The following GABRG3 variants were observed in gnomAD, a reference collection of about 807,000 sequenced individuals.
The protein encoded by GABRG3 is gamma-aminobutyric acid receptor subunit gamma-3.
GABRG3 carries 25 observed loss-of-function variants against 48.8 expected under a neutral mutation model. That is an observed-to-expected ratio of 0.51 (90% confidence interval 0.37 to 0.72). GABRG3 has a LOEUF of 0.72. Among genes scored for constraint, GABRG3 ranks in the 30% least tolerant of loss-of-function variants. GABRG3 has a pLI of 0.00. For missense variants in GABRG3, 394 were observed against 577.9 expected (o/e 0.68, Z 3.26); for synonymous variants, 227 against 217.6 (o/e 1.04, Z -0.38).
chr15:27,465,903 A>G (rs1889594499), intron 5 of GABRG3, among the ~76,000 whole-genome samples: 3 of 152,228 alleles, frequency 2.0e-5, no homozygotes, highest in African/African-American at 7.2e-5. Context: ...TCATTTTAAA[A>G]TGCTGGACAT....
intron 3 of GABRG3, among the ~76,000 whole-genome samples, chr15:27,279,953 C>G (rs547944443): frequency 1.3e-5 from 2 of 152,062 alleles, no homozygotes; most frequent in South Asian, 4.2e-4. Flanking sequence ...GCATATAGAT[C>G]CTATATAGAT....
intron 3 of GABRG3, among the ~76,000 whole-genome samples, chr15:27,173,687 G>A (rs1162730308): frequency 1.4e-5 from 2 of 142,212 alleles, no homozygotes; most frequent in Non-Finnish European, 3.0e-5. Flanking sequence ...GGGCAACAGA[G>A]CAAGATACTA....
At chr15:27,303,227 TAAA>T (rs879858277) in intron 3 of GABRG3, among the ~76,000 whole-genome samples, 1 of 141,870 alleles carries the variant, frequency 7.0e-6, no homozygotes, top group Non-Finnish European at 1.6e-5. Flanking sequence ...CTGACAAAGT[TAAA>T]AAAAAAAAAG....
chr15:27,308,994 A>G (rs1252580713), intron 3 of GABRG3, among the ~76,000 whole-genome samples: 1 of 150,766 alleles, frequency 6.6e-6, no homozygotes, highest in Non-Finnish European at 1.5e-5. Flanking sequence ...ATATGAAAAC[A>G]CATATAATGT....
intron 3 of GABRG3, among the ~76,000 whole-genome samples, chr15:27,203,805 T>C (rs1043071373): frequency 6.6e-6 from 1 of 152,184 alleles, no homozygotes; most frequent in Admixed American, 6.5e-5. Flanking sequence ...ATTGAGCATT[T>C]TTCTATATGC....
intron 3 of GABRG3, among the ~76,000 whole-genome samples, chr15:27,039,941 C>T (rs1023246403): frequency 1.3e-5 from 2 of 152,148 alleles, no homozygotes; most frequent in Admixed American, 1.3e-4. Flanking sequence ...TTTCATCTTC[C>T]CAGGAAGTTC....
At chr15:27,012,345 ATTAAC>A (rs1895704940) in intron 2 of GABRG3, among the ~76,000 whole-genome samples, 1 of 152,072 alleles carries the variant, frequency 6.6e-6, no homozygotes, top group African/African-American at 2.4e-5. Context: ...TTGTTTCTTT[ATTAAC>A]TTTTCAGCAA....
intron 5 of GABRG3, among the ~76,000 whole-genome samples, chr15:27,342,869 G>A (rs1043231038): frequency 1.4e-4 from 21 of 152,182 alleles, no homozygotes; most frequent in African/African-American, 5.1e-4. Context: ...CTCCTAGTCT[G>A]GACTCTTGAG....
intron 3 of GABRG3, among the ~76,000 whole-genome samples, chr15:27,197,430 A>G (rs1336939267): frequency 6.6e-6 from 1 of 151,716 alleles, no homozygotes; most frequent in Non-Finnish European, 1.5e-5. Flanking sequence ...GGCACTCTCC[A>G]TAGCAACTTA....
intron 5 of GABRG3, among the ~76,000 whole-genome samples, chr15:27,374,138 CTTTTTTTTTTTTT>C (rs201839822): frequency 1.1e-5 from 1 of 91,670 alleles, no homozygotes; most frequent in East Asian, 3.3e-4. Flanking sequence ...TTCTTTTCTT[CTTTTTTTTTTTTT>C]TTTTTTTTTT....
intron 3 of GABRG3, among the ~76,000 whole-genome samples, chr15:27,039,735 C>T (rs994303967): frequency 3.3e-5 from 5 of 152,220 alleles, no homozygotes; most frequent in African/African-American, 1.2e-4. Flanking sequence ...TTTTATGAGG[C>T]AGAACTGTAT....
chr15:27,527,451 C>G lies in GABRG3; in HGVS notation c.884C>G (p.Thr295Ser). Reference sequence around the variant, plus strand: ...TGTTCAGGCATCACCACGGTGCTGACCATGACCACCCTGAGCACCATCGCC... The same window carrying G: ...TGTTCAGGCATCACCACGGTGCTGAGCATGACCACCCTGAGCACCATCGCC... Reference protein sequence around the residue: ...RTALGITTVLTMTTLSTIARK... With the variant: ...RTALGITTVLSMTTLSTIARK... Residue 295 changes from threonine to serine, a missense_variant, in exon 8 of 10, where the codon ACC (threonine) becomes AGC (serine). Physicochemically the swap from Thr to Ser is moderately conservative, Grantham distance 58. Coordinates refer to ENST00000615808, the MANE Select transcript of GABRG3 (RefSeq NM_033223.5). The G allele has an allele frequency of 6.2e-7, 1 of 1,613,796 alleles. No individual in the cohort carries two copies. The highest frequency in any genetic ancestry group is 8.5e-7 in the Non-Finnish European group (1 of 1,179,832).
At chr15:27,387,666 G>C (rs565371997) in intron 5 of GABRG3, among the ~76,000 whole-genome samples, 1 of 151,676 alleles carries the variant, frequency 6.6e-6, no homozygotes, top group Admixed American at 6.6e-5. Flanking sequence ...GCTGTTGTTT[G>C]CTTAGTTTAG....
At chr15:27,467,193 C>T (rs1595773936) in intron 5 of GABRG3, among the ~76,000 whole-genome samples, 1 of 152,266 alleles carries the variant, frequency 6.6e-6, no homozygotes, top group Non-Finnish European at 1.5e-5. Flanking sequence ...GCTGGGTCCT[C>T]ACACGGAGGG....
intron 5 of GABRG3, among the ~76,000 whole-genome samples, chr15:27,470,432 C>T (rs1889752419): frequency 6.6e-6 from 1 of 151,596 alleles, no homozygotes; most frequent in Non-Finnish European, 1.5e-5. Context: ...GGGGTTTCAC[C>T]GTGTTGGCTA....
intron 5 of GABRG3, among the ~76,000 whole-genome samples, chr15:27,399,267 T>C (rs72705726): frequency 0.057 from 8,631 of 152,020 alleles, 343 homozygotes; most frequent in South Asian, 0.2. Context: ...CAAAATGGAG[T>C]GATTCAGCTA....
chr15:27,325,016 A>AGCTGTTCTTGATGTTCTGTTGT (rs1555371969), intron 3 of GABRG3, among the ~76,000 whole-genome samples: 6 of 127,042 alleles, frequency 4.7e-5, no homozygotes, highest in African/African-American at 7.7e-5. Context: ...TGGCACTGCA[A>AGCTGTTCTTGATGTTCTGTTGT]AGTCCCCTTA....
At chr15:27,070,943 G>C (rs1227151228) in intron 3 of GABRG3, among the ~76,000 whole-genome samples, 1 of 152,166 alleles carries the variant, frequency 6.6e-6, no homozygotes, top group Non-Finnish European at 1.5e-5. Flanking sequence ...ACGGGACTGC[G>C]AGGTCCTCTC....
At chr15:27,481,254 C>T in intron 6 of GABRG3, 1 of 962,204 alleles carries the variant, frequency 1.0e-6, no homozygotes, top group Non-Finnish European at 1.2e-6. Flanking sequence ...AAGTAATTAC[C>T]TACCAATTTG....
Sources: gnomAD v4.1 joint callset for allele counts (sites outside exome capture counted in the v4.1 genomes callset) on GRCh38, gnomAD v4.1.1 for gene constraint, MANE v1.5 for transcripts, NCBI Gene and HGNC (gene_info 2026-07-23, HGNC 2026-07-21) for gene names.